MBD5: variants seen among roughly 807,000 people sequenced by gnomAD.
MBD5 encodes methyl-CpG binding domain protein 5.
MBD5 carries 13 observed loss-of-function variants against 117.3 expected under a neutral mutation model. The observed-to-expected ratio is 0.11, with a 90% confidence interval of 0.07 to 0.18. The LOEUF is 0.18. Ranked by LOEUF, MBD5 falls within the 10% of genes least tolerant of loss-of-function variation. The probability of loss-of-function intolerance (pLI) is 1.00; values close to 1 mark genes in which losing one functional copy is unlikely to be tolerated. For missense variants in MBD5, 1,879 were observed against 2,093.8 expected, an observed-to-expected ratio of 0.90 and a Z score of 2.00; for synonymous variants, 727 against 766.4, an observed-to-expected ratio of 0.95 and a Z score of 0.85.
intron 3 of MBD5, among the ~76,000 whole-genome samples, chr2:148,315,199 T>A (rs569831359): frequency 1.4e-4 from 22 of 152,262 alleles, no homozygotes; most frequent in Admixed American, 3.3e-4. Context: ...TGCTGCTACA[T>A]TAGTATAAGT....
intron 1 of MBD5, among the ~76,000 whole-genome samples, chr2:148,072,309 A>G (rs1368568623): frequency 1.3e-5 from 2 of 152,198 alleles, no homozygotes; most frequent in Non-Finnish European, 2.9e-5. Context: ...TAAATTTACT[A>G]AATTATAACA....
intron 1 of MBD5, among the ~76,000 whole-genome samples, chr2:148,039,766 G>A (rs1273007512): frequency 6.6e-6 from 1 of 152,168 alleles, no homozygotes; most frequent in East Asian, 1.9e-4. Context: ...ATAAGGAGTT[G>A]CTGTGTTTTA....
chr2:148,246,125 G>T (rs774718465), intron 3 of MBD5, among the ~76,000 whole-genome samples: 1 of 152,064 alleles, frequency 6.6e-6, no homozygotes, highest in Non-Finnish European at 1.5e-5. Context: ...ATTATAGTTA[G>T]GCCTCAAAAT....
chr2:148,179,796 G>T (rs891885505), intron 2 of MBD5, among the ~76,000 whole-genome samples: 3 of 152,144 alleles, frequency 2.0e-5, no homozygotes, highest in Non-Finnish European at 4.4e-5. Context: ...ATGGAAGCCT[G>T]GAGAGTATGT....
chr2:148,056,672 AT>A (rs1312708363), intron 1 of MBD5, among the ~76,000 whole-genome samples: 1 of 152,006 alleles, frequency 6.6e-6, no homozygotes, highest in African/African-American at 2.4e-5. Context: ...TACTTTCTGG[AT>A]TAGTTTACAG....
rs180975276 is a variant in MBD5, at chr2:148,253,156, A to G, written c.-680+19761A>G. On this transcript the variant is annotated intron_variant, in intron 3 of 13. Coordinates refer to ENST00000642680, the MANE Select transcript of MBD5 (RefSeq NM_001378120.1). The stretch of plus-strand genomic sequence containing the variant: ...CTTCATGCAAAAGGTCAAAATAAAA[A>G]GCAGAGGGAACTCTACTAGGAGATT... Among the ~76,000 whole-genome samples the G allele has an allele frequency of 6.8e-3, 1,030 of 152,312 alleles. 44 individuals carry two copies. Among genetic ancestry groups the G allele is most frequent in the Admixed American group, 0.062 (950 of 15,308 alleles).
At chr2:148,212,207 A>G (rs1699440362) in intron 2 of MBD5, among the ~76,000 whole-genome samples, 2 of 152,176 alleles carry the variant, frequency 1.3e-5, no homozygotes, top group African/African-American at 4.8e-5. Flanking sequence ...CCTCACTCCA[A>G]AAAGAAACCC....
chr2:148,101,576 G>A (rs73007179), intron 1 of MBD5, among the ~76,000 whole-genome samples: 8,018 of 152,106 alleles, frequency 0.053, 243 homozygotes, highest in African/African-American at 0.078. Context: ...TATATAAATG[G>A]ACTTCAATGA....
rs572295139 is a variant in MBD5 at position 148,091,872 on chromosome 2, C to A, written c.-925+70188C>A. 1.2e-4 allele frequency among the ~76,000 whole-genome samples: 18 copies of A among 152,264 alleles called. No individual in the cohort carries two copies. The South Asian group carries it at 3.7e-3, about 32-fold the overall frequency. ...CAGAAGAAGTAATTAGCAGAGTAAA[C>A]AGACAACCCAAGAGTATGAGAAAAT... On this transcript the variant is annotated intron_variant, in intron 1 of 13. Transcript: ENST00000642680.
At chr2:148,117,781 T>G (rs1371370303) in intron 1 of MBD5, among the ~76,000 whole-genome samples, 2 of 152,190 alleles carry the variant, frequency 1.3e-5, no homozygotes, top group Admixed American at 1.3e-4. Flanking sequence ...ATTTAATTCT[T>G]GTAAGAATCC....
At chr2:148,171,394 G>A (rs1308437555) in intron 1 of MBD5, among the ~76,000 whole-genome samples, 2 of 152,106 alleles carry the variant, frequency 1.3e-5, no homozygotes, top group East Asian at 1.9e-4. Context: ...CATCTGATAC[G>A]GATGAAGAAA....
chr2:148,072,368 C>T (rs528597246), intron 1 of MBD5, among the ~76,000 whole-genome samples: 9 of 151,910 alleles, frequency 5.9e-5, no homozygotes, highest in Non-Finnish European at 1.3e-4. Flanking sequence ...ATGTATGGGC[C>T]GAAATGTAGA....
chr2:148,132,253 T>C (rs1426626897), intron 1 of MBD5, among the ~76,000 whole-genome samples: 2 of 151,180 alleles, frequency 1.3e-5, no homozygotes, highest in African/African-American at 2.4e-5. Context: ...TTTTTAAGGG[T>C]CTGCTCCTTC....
chr2:148,505,668 A>G (rs974544104), intron 12 of MBD5, among the ~76,000 whole-genome samples: 4 of 152,188 alleles, frequency 2.6e-5, no homozygotes, highest in African/African-American at 7.2e-5. Context: ...GATGTAGATT[A>G]TTTACTCTTC....
intron 1 of MBD5, among the ~76,000 whole-genome samples, chr2:148,143,496 T>G (rs1012841688): frequency 6.6e-6 from 1 of 152,204 alleles, no homozygotes; most frequent in Non-Finnish European, 1.5e-5. Context: ...TTAATTATAC[T>G]TTACGTTCTA....
Position 148,386,152 on chromosome 2 carries a change from A to G in MBD5, c.-557+43816A>G, listed in dbSNP as rs1032781702. ...AAAAAGAAAGGCTACAAATTAAATG[A>G]CCTAGATTTTCAATTTATTAAGTTA... On this transcript the variant is annotated intron_variant, in intron 4 of 13. Coordinates refer to ENST00000642680, the MANE Select transcript of MBD5 (RefSeq NM_001378120.1). 5.8e-4 allele frequency among the ~76,000 whole-genome samples: 88 copies of G among 152,088 alleles called. 1 individual carries two copies. Among genetic ancestry groups the G allele is most frequent in the Admixed American group, 1.3e-4 (2 of 15,264 alleles).
At position 148,468,791 on chromosome 2, in the gene MBD5, C is replaced by T. The variant is rs1449258593; in HGVS notation, c.848C>T (p.Ser283Phe). ...CCACCTTCAGTAATGCTACATGGTT[C>T]TCCTGTACAGTCATCCTGTGCAATG... The part of the protein sequence containing the change: ...LSPPSVMLHG[S>F]PVQSSCAMAG... Residue 283 changes from serine to phenylalanine, a missense_variant, in exon 8 of 14, where the codon TCT becomes TTT. By Grantham distance (155) the Ser-to-Phe change is radical (BLOSUM62 -2). This residue lies in a region of MBD5 where 1,666 missense variants were observed against 1,792.2 expected (regional missense o/e 0.93). Transcript: ENST00000642680. 1 of 1,613,744 alleles carries T rather than the reference C, an allele frequency of 6.2e-7. No individual in the cohort carries two copies. Among genetic ancestry groups the T allele is most frequent in the Non-Finnish European group, 8.5e-7 (1 of 1,179,736 alleles).
intron 12 of MBD5, among the ~76,000 whole-genome samples, chr2:148,505,124 TAGAC>T (rs2105243540): frequency 6.6e-6 from 1 of 152,064 alleles, no homozygotes; most frequent in East Asian, 1.9e-4. Context: ...GGAGGTAAAA[TAGAC>T]AGAACATGGG....
intron 2 of MBD5, among the ~76,000 whole-genome samples, chr2:148,180,358 A>ATATATATATATATATATATATG (rs1302286887): frequency 8.4e-6 from 1 of 118,902 alleles, no homozygotes; most frequent in Non-Finnish European, 1.9e-5. Flanking sequence ...ATATATATAT[A>ATATATATATATATATATATATG]TATGTATATA....
Sources: allele counts gnomAD v4.1 joint callset (sites outside exome capture counted in the v4.1 genomes callset), GRCh38; gene constraint gnomAD v4.1.1; regional missense constraint gnomAD v4.1.1; transcripts MANE v1.5; gene names NCBI Gene and HGNC (gene_info 2026-07-23, HGNC 2026-07-21).